The following GRIA3 variants were observed in gnomAD, a reference collection of about 807,000 sequenced individuals.
GRIA3 encodes glutamate receptor 3.
In GRIA3, 3 loss-of-function variants were observed where a neutral mutation model predicts 63.0. That is an observed-to-expected ratio of 0.05 (90% confidence interval 0.02 to 0.12). GRIA3 has a LOEUF of 0.12. GRIA3 is among the 10% of genes least tolerant of loss of function. The pLI is 1.00. For synonymous variants in GRIA3, 274 were observed against 257.9 expected (o/e 1.06, Z -0.60); for missense variants, 347 against 700.9 (o/e 0.50, Z 5.70).
At chrX:123,267,259 A>G (rs1438924302) in intron 3 of GRIA3, among the ~76,000 whole-genome samples, 2 of 111,804 alleles carry the variant, frequency 1.8e-5, no homozygotes, top group African/African-American at 6.5e-5. Context: ...AATACATTAG[A>G]TAGTCATCTA....
At chrX:123,288,659 T>C (rs1490953221) in intron 3 of GRIA3, among the ~76,000 whole-genome samples, 1 of 110,110 alleles carries the variant, frequency 9.1e-6, no homozygotes, top group African/African-American at 3.3e-5. Flanking sequence ...AACAAACATA[T>C]GAAAAAAAAA....
Position 123,427,709 on chromosome X carries a change from T to C in GRIA3, c.1878-232T>C, listed in dbSNP as rs775516365. ...AAAAAGAAAATCCTGCTTTGAAACG[T>C]GTATAGGCCTGACAAGTATTATGCA... On this transcript the variant is annotated intron_variant, in intron 11 of 15. Coordinates refer to ENST00000620443, the MANE Select transcript of GRIA3 (RefSeq NM_007325.5). Among the ~76,000 whole-genome samples the C allele has an allele frequency of 1.7e-4, 19 of 110,739 alleles. No homozygotes were observed. In the South Asian group the frequency reaches 7.0e-3, roughly 41 times the overall value.
chrX:123,258,905 C>T (rs546426986), intron 3 of GRIA3, among the ~76,000 whole-genome samples: 1 of 112,280 alleles, frequency 8.9e-6, no homozygotes, highest in Admixed American at 9.4e-5. Context: ...ATTATCCTAT[C>T]AGTCAACAAG....
intron 11 of GRIA3, among the ~76,000 whole-genome samples, chrX:123,427,282 G>C (rs1250936039): frequency 4.5e-5 from 5 of 111,656 alleles, no homozygotes. Flanking sequence ...TGTAGCAGTG[G>C]TTTTCAACCT....
chrX:123,326,346 T>C, intron 4 of GRIA3, 133 bp downstream of exon 4: 1 of 449,433 alleles, frequency 2.2e-6, no homozygotes, highest in East Asian at 4.0e-5. Context: ...TCTCTAATCC[T>C]TTTTTCCTCC....
At chrX:123,421,082 C>T (rs1292540699) in intron 11 of GRIA3, among the ~76,000 whole-genome samples, 1 of 110,495 alleles carries the variant, frequency 9.1e-6, no homozygotes. Context: ...CAATTCAACC[C>T]AGAAATAGGG....
intron 5 of GRIA3, among the ~76,000 whole-genome samples, chrX:123,377,252 T>A (rs1603121867): frequency 8.9e-6 from 1 of 111,988 alleles, no homozygotes; most frequent in East Asian, 2.8e-4. Flanking sequence ...CGTTCACTCT[T>A]TTCCCTTGTG....
rs957674001 is a variant in GRIA3 at position 123,354,620 on chromosome X, G to A, written c.697-290G>A. On this transcript the variant is annotated intron_variant, in intron 4 of 15. Transcript: ENST00000620443. ...ACAGAAATCGAGTTCATGAGTGGGG[G>A]ATCTTCAGCTTCATCACTTTTGCCA... Among the ~76,000 whole-genome samples, 4 of 111,507 alleles carry A rather than the reference G, an allele frequency of 3.6e-5. No individual in the cohort carries two copies. The East Asian group carries it at 8.5e-4, about 24-fold the overall frequency.
chrX:123,296,693 A>T (rs758895473), intron 3 of GRIA3, among the ~76,000 whole-genome samples: 2 of 111,661 alleles, frequency 1.8e-5, no homozygotes, highest in African/African-American at 3.2e-5. Flanking sequence ...TTTCCTTCCA[A>T]ATTTCAATTT....
At chrX:123,419,498 T>G (rs922283499) in intron 11 of GRIA3, among the ~76,000 whole-genome samples, 3 of 110,589 alleles carry the variant, frequency 2.7e-5, no homozygotes, top group African/African-American at 9.9e-5. Flanking sequence ...TTATTGAATA[T>G]CTCATATTGT....
chrX:123,487,058 T>A (rs995753652), intron 15 of GRIA3, among the ~76,000 whole-genome samples: 2 of 111,765 alleles, frequency 1.8e-5, no homozygotes, highest in Non-Finnish European at 3.8e-5. Context: ...CGGCCTCAGA[T>A]CATGTTTAGC....
chrX:123,419,129 C>T (rs1411644702), intron 11 of GRIA3, among the ~76,000 whole-genome samples: 2 of 111,921 alleles, frequency 1.8e-5, no homozygotes, highest in South Asian at 3.7e-4. Flanking sequence ...TATGCTGGGC[C>T]GGGCGCGGTG....
chrX:123,396,666 C>T (rs942859443), intron 6 of GRIA3, among the ~76,000 whole-genome samples: 3 of 111,591 alleles, frequency 2.7e-5, no homozygotes, highest in Non-Finnish European at 5.6e-5. Context: ...GTGTATGTTG[C>T]CTACACATAT....
At chrX:123,373,849 CTT>C (rs1290264952) in intron 5 of GRIA3, among the ~76,000 whole-genome samples, 1 of 111,619 alleles carries the variant, frequency 9.0e-6, no homozygotes, top group Non-Finnish European at 1.9e-5. Context: ...TGCAGAAACT[CTT>C]TAGTTTAATT....
rs1399541267 is a variant in GRIA3 at position 123,489,557 on chromosome X, C to T, written c.*847C>T. 1 of 111,996 alleles carries T rather than the reference C, an allele frequency of 8.9e-6. No homozygotes were observed. Among genetic ancestry groups the T allele is most frequent in the Non-Finnish European group, 1.9e-5 (1 of 53,130 alleles). 9.2% of individuals were successfully genotyped at this position (111,996 alleles called of 1,213,427 possible). A position where few individuals can be genotyped will look rare whatever the true frequency, so the allele number is the denominator to read the frequency against. Reference sequence around the variant, plus strand: ...TGGATCCCGGGGCTTTCCAAGGAGCCTGGAATTTCAGCTCACAGATCTGTT... The same window carrying T: ...TGGATCCCGGGGCTTTCCAAGGAGCTTGGAATTTCAGCTCACAGATCTGTT... On this transcript the variant is annotated 3_prime_UTR_variant, in exon 16 of 16. Transcript: ENST00000620443.
intron 13 of GRIA3, among the ~76,000 whole-genome samples, chrX:123,467,162 G>A (rs1301265775): frequency 8.9e-6 from 1 of 112,132 alleles, no homozygotes; most frequent in Admixed American, 9.5e-5. Context: ...AAGACTGCAA[G>A]GAATTGATTT....
chrX:123,306,402 A>G (rs749465510), intron 3 of GRIA3, among the ~76,000 whole-genome samples: 1 of 112,067 alleles, frequency 8.9e-6, no homozygotes, highest in East Asian at 2.8e-4. Context: ...AGTACCTACT[A>G]TGTGCCAAGT....
intron 2 of GRIA3, among the ~76,000 whole-genome samples, chrX:123,212,730 A>G (rs1182272283): frequency 8.9e-6 from 1 of 112,486 alleles, no homozygotes; most frequent in Non-Finnish European, 1.9e-5. Context: ...TTGCAGTGAC[A>G]AGGAGAAAAT....
At chrX:123,483,623 C>G (rs2045924330) in intron 15 of GRIA3, among the ~76,000 whole-genome samples, 2 of 112,300 alleles carry the variant, frequency 1.8e-5, no homozygotes, top group Non-Finnish European at 3.8e-5. Flanking sequence ...GAGAAAGCAG[C>G]TGCTCTGGAA....
Sources: gnomAD v4.1 joint callset for allele counts (sites outside exome capture counted in the v4.1 genomes callset) on GRCh38, gnomAD v4.1.1 for gene constraint, MANE v1.5 for transcripts, NCBI Gene and HGNC (gene_info 2026-07-23, HGNC 2026-07-21) for gene names.